Variants in PPP1R12A observed in about 807,000 individuals in gnomAD.
PPP1R12A encodes myosin binding subunit.
PPP1R12A carries 19 observed loss-of-function variants against 139.6 expected under a neutral mutation model. The observed-to-expected ratio is 0.14, with a 90% CI of 0.09 to 0.20. The LOEUF (loss-of-function observed/expected upper bound fraction) is 0.20. Ranked by LOEUF, PPP1R12A falls within the 10% of genes least tolerant of loss-of-function variation. The pLI is 1.00. For missense variants in PPP1R12A, 925 were observed against 1,211.5 expected (o/e 0.76, Z 3.51); for synonymous variants, 427 against 420.6 (o/e 1.02, Z -0.19).
At chr12:79,821,295 TTAAG>T in intron 6 of PPP1R12A, 129 bp from the exon 7 acceptor site, 2 of 629,708 alleles carry the variant, frequency 3.2e-6, no homozygotes, top group Non-Finnish European at 5.3e-6. Flanking sequence ...AATAAATAAA[TTAAG>T]TTTTACCTGA....
intron 23 of PPP1R12A, chr12:79,779,333 A>T: frequency 4.7e-6 from 6 of 1,289,104 alleles, no homozygotes; most frequent in Non-Finnish European, 6.1e-6. Context: ...CCCAGAAGAT[A>T]CTGACTCTTG....
chr12:79,802,934 C>T (rs1010177500), intron 14 of PPP1R12A, among the ~76,000 whole-genome samples: 7 of 152,202 alleles, frequency 4.6e-5, no homozygotes, highest in Non-Finnish European at 8.8e-5. Flanking sequence ...TGCATTGACA[C>T]TTGGCTCTTT....
chr12:79,828,945 G>A (rs1160944534), intron 4 of PPP1R12A, among the ~76,000 whole-genome samples: 2 of 152,066 alleles, frequency 1.3e-5, no homozygotes, highest in Non-Finnish European at 2.9e-5. Context: ...TAATATTTCT[G>A]TTGCCTTGAA....
intron 1 of PPP1R12A, 22 bp from the exon 2 acceptor site, chr12:79,872,960 A>C: frequency 6.2e-7 from 1 of 1,603,762 alleles, no homozygotes; most frequent in Non-Finnish European, 8.5e-7. Context: ...ACAGAAAGCA[A>C]GATTGGAAAA....
chr12:79,775,990 T>A lies in PPP1R12A; in HGVS notation c.3032A>T (p.Asn1011Ile). The A allele has an allele frequency of 6.2e-7, 1 of 1,600,496 alleles. No individual in the cohort carries two copies. Among genetic ancestry groups the A allele is most frequent in the Non-Finnish European group, 8.5e-7 (1 of 1,172,732 alleles). The change falls in exon 25 of 25, where the codon AAC becomes ATC. Residue 1011 changes from asparagine to isoleucine, a missense_variant. Transcript: ENST00000450142. ...LKMLPDLKAD[N>I]QRLKDENGAL... ...CCCATTTTCATCCTTTAGCCTCTGG[T>A]TGTCTGCTTTTAGGTCTGGTAACAT...
intron 2 of PPP1R12A, among the ~76,000 whole-genome samples, chr12:79,869,129 A>G (rs1882294705): frequency 6.6e-6 from 1 of 152,230 alleles, no homozygotes; most frequent in Non-Finnish European, 1.5e-5. Flanking sequence ...TACCTTGTTA[A>G]GAATAAGCAA....
Position 79,871,832 on chromosome 12 carries a change from A to T in PPP1R12A, c.368+976T>A, listed in dbSNP as rs145661692. 1.5e-3 allele frequency among the ~76,000 whole-genome samples: 235 copies of T among 152,310 alleles called. 1 individual carries two copies. The highest frequency in any genetic ancestry group is 2.2e-3 in the Non-Finnish European group (151 of 68,020). On this transcript the variant is annotated intron_variant, in intron 2 of 24. Transcript: ENST00000450142. ...TGAGAATCACAATTGTTAGGTTTGA[A>T]CAACCACTGCTGTTTTGCAACGGGA...
At chr12:79,875,826 C>T (rs748967067) in intron 1 of PPP1R12A, among the ~76,000 whole-genome samples, 3 of 152,160 alleles carry the variant, frequency 2.0e-5, no homozygotes, top group Non-Finnish European at 4.4e-5. Flanking sequence ...ATCTACCCAT[C>T]CCCTTAAAAG....
At chr12:79,812,510 C>T (rs531580685) in intron 9 of PPP1R12A, among the ~76,000 whole-genome samples, 1 of 151,580 alleles carries the variant, frequency 6.6e-6, no homozygotes, top group African/African-American at 2.4e-5. Flanking sequence ...GCTCTTGGAT[C>T]TCTCATATTC....
chr12:79,934,597 G>T, intron 1 of PPP1R12A, 98 bp downstream of exon 1: 2 of 1,136,860 alleles, frequency 1.8e-6, no homozygotes, highest in Non-Finnish European at 2.4e-6. Context: ...GTCTCCCGCC[G>T]CCCCCAGCCT....
chr12:79,838,866 G>C (rs1013452733), intron 3 of PPP1R12A, among the ~76,000 whole-genome samples: 1 of 152,230 alleles, frequency 6.6e-6, no homozygotes, highest in South Asian at 2.1e-4. Flanking sequence ...GAAGGGAAAT[G>C]TGAGGTCAGA....
chr12:79,899,236 ATATATATATATATATATATATATATAT>A (rs1565805438), intron 1 of PPP1R12A, among the ~76,000 whole-genome samples: 79 of 3,618 alleles, frequency 0.022, no homozygotes, highest in East Asian at 0.1. Flanking sequence ...TCTTAAAAAT[ATATATATATATATATATATATATATAT>A]ATATATATAT....
intron 1 of PPP1R12A, among the ~76,000 whole-genome samples, chr12:79,893,431 T>A (rs957531608): frequency 2.0e-5 from 3 of 152,198 alleles, no homozygotes; most frequent in Non-Finnish European, 4.4e-5. Flanking sequence ...TCCACTACAC[T>A]ACGGGCTCTC....
rs186387252 is a variant in PPP1R12A, at chr12:79,809,489, A to T, written c.1455+306T>A. On this transcript the variant is annotated intron_variant, in intron 10 of 24. Coordinates refer to ENST00000450142, the MANE Select transcript of PPP1R12A (RefSeq NM_002480.3). ...TTCCTATGTTTTTTAAACTTCAGAA[A>T]GTTTCTTGAATCATAATAAACAAAA... Among the ~76,000 whole-genome samples, 406 of 152,270 alleles carry T rather than the reference A, an allele frequency of 2.7e-3. 1 individual carries two copies. The highest frequency in any genetic ancestry group is 4.9e-3 in the Non-Finnish European group (331 of 67,994).
chr12:79,857,900 G>A (rs1880871634), intron 2 of PPP1R12A, among the ~76,000 whole-genome samples: 2 of 152,268 alleles, frequency 1.3e-5, no homozygotes, highest in South Asian at 4.1e-4. Context: ...AGGAATAACA[G>A]TGAACATTCC....
chr12:79,778,623 T>G (rs916196722), intron 23 of PPP1R12A, 23 bp from the exon 24 acceptor site: 1 of 1,439,110 alleles, frequency 6.9e-7, no homozygotes, highest in Admixed American at 2.2e-5. Flanking sequence ...AAGGTACCAA[T>G]GTTAGTTATA....
At chr12:79,935,319 G>A (rs972694613), upstream of PPP1R12A, 6 of 1,041,130 alleles carry the variant, frequency 5.8e-6, no homozygotes, top group Non-Finnish European at 6.9e-6. Flanking sequence ...AGAGGGAAGC[G>A]GGTGTGGCCC....
At chr12:79,804,320 G>C (rs1213840928) in intron 14 of PPP1R12A, among the ~76,000 whole-genome samples, 2 of 152,016 alleles carry the variant, frequency 1.3e-5, no homozygotes, top group African/African-American at 4.8e-5. Context: ...ATAGGAAAAA[G>C]GGGAAGATAA....
intron 1 of PPP1R12A, among the ~76,000 whole-genome samples, chr12:79,926,011 T>C (rs981240788): frequency 3.3e-5 from 5 of 152,090 alleles, no homozygotes; most frequent in Admixed American, 2.6e-4. Context: ...GTCTCTTGCC[T>C]TGGCTTCTCA....
Sources: gnomAD v4.1 joint callset for allele counts (sites outside exome capture counted in the v4.1 genomes callset) on GRCh38, gnomAD v4.1.1 for gene constraint, MANE v1.5 for transcripts, NCBI Gene and HGNC (gene_info 2026-07-23, HGNC 2026-07-21) for gene names.